The following DLGAP2 variants were observed in gnomAD, a reference collection of about 807,000 sequenced individuals.
DLGAP2 encodes disks large-associated protein 2.
Under a neutral mutation model 100.3 loss-of-function variants are expected in DLGAP2, and 26 were observed. The ratio of observed to expected loss-of-function variants is 0.26; its 90% confidence interval spans 0.19 to 0.36. DLGAP2 has a LOEUF of 0.36. Among genes scored for constraint, DLGAP2 ranks in the 10% least tolerant of loss-of-function variants. The probability of loss-of-function intolerance (pLI) is 1.00; values close to 1 mark genes in which losing one functional copy is unlikely to be tolerated. For missense variants in DLGAP2, 1,858 were observed against 1,453.2 expected, an observed-to-expected ratio of 1.28 and a Z score of -4.53; for synonymous variants, 886 against 630.1, an observed-to-expected ratio of 1.41 and a Z score of -6.08.
rs190802658 is a variant in DLGAP2 at position 1,128,996 on chromosome 8, T to C, written c.74-129855T>C. 6.1e-4 allele frequency among the ~76,000 whole-genome samples: 93 copies of C among 152,332 alleles called. No individual in the cohort carries two copies. The East Asian group carries it at 0.018, about 29-fold the overall frequency. ...GCTCCCCACAGGAACTTACAATTCTTTGCCCACTGATAGTCATGTGTTTTC... is the reference window on the plus strand; with the variant it reads ...GCTCCCCACAGGAACTTACAATTCTCTGCCCACTGATAGTCATGTGTTTTC... On this transcript the variant is annotated intron_variant, in intron 2 of 14. Transcript: ENST00000637795.
rs114589140 is a variant in DLGAP2 at position 1,685,120 on chromosome 8, T to G, written c.2705-6415T>G. On this transcript the variant is annotated intron_variant, in intron 12 of 14. Transcript: ENST00000637795. ...GTGTGACTTTGTATCTCCTGGGCCA[T>G]CTTCCATGCTGAGACAAAATGGTCT... 6.4e-3 allele frequency among the ~76,000 whole-genome samples: 966 copies of G among 151,426 alleles called. 16 individuals are homozygous for G. The highest frequency in any genetic ancestry group is 0.022 in the African/African-American group (902 of 40,844).
chr8:1,679,534 G>A (rs941250403), intron 12 of DLGAP2, among the ~76,000 whole-genome samples: 3 of 152,240 alleles, frequency 2.0e-5, no homozygotes, highest in African/African-American at 4.8e-5. Context: ...ACTCCTGGGT[G>A]GAATGGGAGG....
intron 3 of DLGAP2, among the ~76,000 whole-genome samples, chr8:1,384,884 G>A (rs372629760): frequency 3.7e-5 from 1 of 27,268 alleles, no homozygotes. Context: ...ACCCCGGTCT[G>A]TGCCCGTCCC....
intron 3 of DLGAP2, among the ~76,000 whole-genome samples, chr8:1,411,339 T>C (rs987958750): frequency 1.3e-5 from 2 of 152,166 alleles, no homozygotes; most frequent in African/African-American, 4.8e-5. Flanking sequence ...TCTTATATGG[T>C]TTTGAAGGCA....
intron 1 of DLGAP2, among the ~76,000 whole-genome samples, chr8:869,190 T>C (rs1401266494): frequency 6.6e-6 from 1 of 152,200 alleles, no homozygotes; most frequent in Non-Finnish European, 1.5e-5. Flanking sequence ...TCATTTGTTT[T>C]CCCTGTGGTT....
In DLGAP2 at chr8:871,626, A is replaced by G. The variant is rs560894665; in HGVS notation, c.19-36286A>G. Among the ~76,000 whole-genome samples the G allele has an allele frequency of 2.0e-5, 3 of 152,322 alleles. No homozygotes were observed. The South Asian group carries it at 6.2e-4, about 32-fold the overall frequency. ...GACATGATGCTCAATGGAACTGCTC[A>G]TTGGAGCATTTCGGATTTGGATATT... On this transcript the variant is annotated intron_variant, in intron 1 of 14. Transcript: ENST00000637795.
At chr8:974,381 G>T (rs550284122) in intron 2 of DLGAP2, among the ~76,000 whole-genome samples, 1 of 152,278 alleles carries the variant, frequency 6.6e-6, no homozygotes, top group African/African-American at 2.4e-5. Flanking sequence ...AGTGTTGAAA[G>T]AAATAAGTAA....
intron 3 of DLGAP2, among the ~76,000 whole-genome samples, chr8:1,410,793 C>G (rs898055433): frequency 2.0e-5 from 3 of 151,632 alleles, no homozygotes; most frequent in African/African-American, 7.3e-5. Flanking sequence ...ATTATGGCCA[C>G]CTTTCCCTGT....
intron 2 of DLGAP2, among the ~76,000 whole-genome samples, chr8:917,738 G>A (rs971122296): frequency 1.1e-4 from 16 of 151,978 alleles, no homozygotes; most frequent in African/African-American, 2.9e-4. Context: ...GTGCCACCAC[G>A]CCTGGCTGAT....
At chr8:976,380 G>A (rs1250735992) in intron 2 of DLGAP2, among the ~76,000 whole-genome samples, 1 of 152,114 alleles carries the variant, frequency 6.6e-6, no homozygotes, top group Non-Finnish European at 1.5e-5. Flanking sequence ...GGGAGATCGA[G>A]GCGGGCGGAT....
At chr8:1,501,725 G>C in intron 4 of DLGAP2, among the ~76,000 whole-genome samples, 1 of 152,186 alleles carries the variant, frequency 6.6e-6, no homozygotes, top group African/African-American at 2.4e-5. Flanking sequence ...GCTCCTCTGT[G>C]TCTAAACATA....
At chr8:1,692,471 G>T (rs916681245) in intron 13 of DLGAP2, among the ~76,000 whole-genome samples, 1 of 151,740 alleles carries the variant, frequency 6.6e-6, no homozygotes, top group Non-Finnish European at 1.5e-5. Flanking sequence ...ATATGGCCCT[G>T]GTTTAAGCAG....
At chr8:820,948 G>A (rs1252155352) in intron 1 of DLGAP2, among the ~76,000 whole-genome samples, 1 of 152,160 alleles carries the variant, frequency 6.6e-6, no homozygotes, top group Non-Finnish European at 1.5e-5. Context: ...AGCAGAATGT[G>A]AATTCTAGAA....
chr8:1,598,111 G>A (rs2957082), intron 6 of DLGAP2, among the ~76,000 whole-genome samples: 110,287 of 152,110 alleles, frequency 0.73, 40,379 homozygotes, highest in East Asian at 0.92. Flanking sequence ...CTCTACATCT[G>A]TTGAGATAAT....
At chr8:920,179 A>T (rs918366736) in intron 2 of DLGAP2, among the ~76,000 whole-genome samples, 1 of 152,206 alleles carries the variant, frequency 6.6e-6, no homozygotes, top group Non-Finnish European at 1.5e-5. Context: ...ATGTCATCCA[A>T]CAGGAAGCTT....
At chr8:1,207,084 C>T (rs953111798) in intron 2 of DLGAP2, among the ~76,000 whole-genome samples, 2 of 152,182 alleles carry the variant, frequency 1.3e-5, no homozygotes, top group African/African-American at 2.4e-5. Flanking sequence ...CCTAAATCTG[C>T]AATTCTTCCT....
chr8:1,688,069 C>A (rs1799159581), intron 12 of DLGAP2, among the ~76,000 whole-genome samples: 1 of 152,154 alleles, frequency 6.6e-6, no homozygotes, highest in Non-Finnish European at 1.5e-5. Context: ...CACTGTCACC[C>A]CTGTCAAGAA....
At chr8:1,688,700 C>A (rs1402631562) in intron 12 of DLGAP2, among the ~76,000 whole-genome samples, 1 of 152,072 alleles carries the variant, frequency 6.6e-6, no homozygotes, top group Non-Finnish European at 1.5e-5. Context: ...AAAAATAAGA[C>A]AAGACAGAAA....
chr8:1,511,311 T>A (rs980746663), intron 4 of DLGAP2, among the ~76,000 whole-genome samples: 3 of 150,510 alleles, frequency 2.0e-5, no homozygotes, highest in African/African-American at 7.4e-5. Flanking sequence ...GTAAGGGCTG[T>A]CTAGTGTAGG....
Sources: allele counts gnomAD v4.1 joint callset (sites outside exome capture counted in the v4.1 genomes callset), GRCh38; gene constraint gnomAD v4.1.1; transcripts MANE v1.5; gene names NCBI Gene and HGNC (gene_info 2026-07-23, HGNC 2026-07-21).